Variants in SENP6 observed in about 807,000 individuals in gnomAD.
SENP6 encodes the protein SUMO specific peptidase 6, also known as sentrin-specific protease 6.
In SENP6, 41 loss-of-function variants were observed where a neutral mutation model predicts 134.5. That is an observed-to-expected ratio of 0.30 (90% CI 0.24 to 0.40). SENP6 has a LOEUF of 0.40. Among genes scored for constraint, SENP6 ranks in the 10% least tolerant of loss-of-function variants. The probability of loss-of-function intolerance (pLI) is 1.00; values close to 1 mark genes in which losing one functional copy is unlikely to be tolerated. For synonymous variants in SENP6, 395 were observed against 429.8 expected, an observed-to-expected ratio of 0.92 and a Z score of 1.00; for missense variants, 1,248 against 1,312.5, an observed-to-expected ratio of 0.95 and a Z score of 0.76.
At chr6:75,659,011 G>A (rs941422526) in intron 7 of SENP6, among the ~76,000 whole-genome samples, 4 of 146,550 alleles carry the variant, frequency 2.7e-5, no homozygotes, top group African/African-American at 1.0e-4. Context: ...GGGGAATTGT[G>A]AGTATGTGAG....
At position 75,695,911 on chromosome 6, in the gene SENP6, C is replaced by T; in HGVS notation, c.2183C>T (p.Thr728Ile). The part of the protein sequence containing the change: ...LNQRERRNHE[T>I]TNLSIQQKRH... The stretch of plus-strand genomic sequence containing the variant: ...CAGAGAGAGAGGAGAAATCATGAAA[C>T]AACTAATCTGTCGTAAGTCAAACTC... Residue 728 changes from threonine to isoleucine, a missense_variant, in exon 17 of 24, where the codon ACA becomes ATA. By Grantham distance (89) the Thr-to-Ile change is moderately conservative. Transcript: ENST00000447266. 1 of 1,599,358 alleles carries T rather than the reference C, an allele frequency of 6.3e-7. No individual in the cohort carries two copies. The highest frequency in any genetic ancestry group is 8.5e-7 in the Non-Finnish European group (1 of 1,174,818).
chr6:75,710,700 C>G (rs1775699392), intron 20 of SENP6, among the ~76,000 whole-genome samples: 1 of 152,090 alleles, frequency 6.6e-6, no homozygotes, highest in Admixed American at 6.6e-5. Flanking sequence ...TTTATTATTA[C>G]TATTATTCCT....
In SENP6 at chr6:75,666,810, C is replaced by A. The variant is rs147285994; in HGVS notation, c.1093C>A (p.Pro365Thr). Residue 365 changes from proline (P) to threonine (T), a missense_variant, in exon 10 of 24, where the codon CCA becomes ACA. Around this residue, in one of 3 missense-constraint regions of SENP6, gnomAD observed 733 missense variants for 725.4 expected, o/e 1.01. Transcript: ENST00000447266. ...PADSACSSPA[P>T]STGKVEAALN... The stretch of plus-strand genomic sequence containing the variant: ...TGATTCAGCATGTTCTTCCCCTGCA[C>A]CATCCACTGGAAAAGTAGAAGCAGC... 1 of 1,613,618 alleles carries A rather than the reference C, an allele frequency of 6.2e-7. No homozygotes were observed. Among genetic ancestry groups the A allele is most frequent in the Admixed American group, 1.7e-5 (1 of 59,998 alleles).
At chr6:75,714,586 T>C (rs1486807869) in intron 23 of SENP6, among the ~76,000 whole-genome samples, 2 of 152,230 alleles carry the variant, frequency 1.3e-5, no homozygotes, top group Admixed American at 1.3e-4. Flanking sequence ...TTAAATCTTA[T>C]AGTGGCTTCC....
intron 14 of SENP6, 65 bp from the exon 15 acceptor site, chr6:75,678,518 C>T (rs1773245087): frequency 1.3e-6 from 1 of 797,880 alleles, no homozygotes; most frequent in Non-Finnish European, 2.1e-6. Flanking sequence ...TTGCCTTGTG[C>T]TTACCCTTTT....
chr6:75,686,407 C>T (rs1259446554), intron 16 of SENP6, among the ~76,000 whole-genome samples: 1 of 152,030 alleles, frequency 6.6e-6, no homozygotes, highest in African/African-American at 2.4e-5. Flanking sequence ...TTAAAGTTAA[C>T]ATTGTTATGT....
intron 19 of SENP6, among the ~76,000 whole-genome samples, chr6:75,705,381 C>G (rs1775318868): frequency 6.6e-6 from 1 of 151,998 alleles, no homozygotes; most frequent in Admixed American, 6.6e-5. Context: ...CCCATCTCTA[C>G]TAAAAATACA....
chr6:75,643,600 T>TTGAG (rs1770195729), intron 6 of SENP6, among the ~76,000 whole-genome samples: 1 of 152,202 alleles, frequency 6.6e-6, no homozygotes, highest in Non-Finnish European at 1.5e-5. Context: ...CATGCGCCTG[T>TTGAG]AATCCCAGCT....
chr6:75,709,665 TTTATC>T, intron 20 of SENP6, 35 bp downstream of exon 20: 1 of 1,499,044 alleles, frequency 6.7e-7, no homozygotes. Context: ...GTTCTAATGT[TTTATC>T]TAATTAAAAG....
Position 75,636,095 on chromosome 6 carries a change from T to C in SENP6, c.458+1284T>C, listed in dbSNP as rs1769491691. On this transcript the variant is annotated intron_variant, in intron 5 of 23. Coordinates refer to ENST00000447266, the MANE Select transcript of SENP6 (RefSeq NM_015571.4). ...TCTGGAAATTGGGTTGCGATTTGTT[T>C]TACTCTAGGTCTCAACACCTATAAC... 2.0e-5 allele frequency among the ~76,000 whole-genome samples: 3 copies of C among 152,138 alleles called. No homozygotes were observed. In the South Asian group the frequency reaches 6.2e-4, roughly 31 times the overall value.
chr6:75,708,589 G>C (rs1254648681), intron 19 of SENP6, among the ~76,000 whole-genome samples: 1 of 152,024 alleles, frequency 6.6e-6, no homozygotes, highest in Admixed American at 6.6e-5. Flanking sequence ...GAGAAATCCT[G>C]TCTCTTAAAA....
intron 3 of SENP6, among the ~76,000 whole-genome samples, chr6:75,625,885 CAAAA>C (rs1007190602): frequency 5.9e-5 from 9 of 151,892 alleles, no homozygotes; most frequent in African/African-American, 2.2e-4. Context: ...AAAAACAAAA[CAAAA>C]AAACCCACTT....
chr6:75,708,363 C>A (rs866416740), intron 19 of SENP6, among the ~76,000 whole-genome samples: 2 of 151,862 alleles, frequency 1.3e-5, no homozygotes, highest in African/African-American at 4.8e-5. Context: ...TAACTTATAC[C>A]AAAATTTATT....
intron 1 of SENP6, among the ~76,000 whole-genome samples, chr6:75,618,377 T>C (rs34239015): frequency 0.31 from 47,591 of 152,054 alleles, 8,783 homozygotes; most frequent in Admixed American, 0.48. Flanking sequence ...ACTTTGGCCG[T>C]TGGGAATTCT....
intron 16 of SENP6, among the ~76,000 whole-genome samples, chr6:75,686,051 A>C (rs1347338815): frequency 3.3e-5 from 5 of 149,992 alleles, no homozygotes; most frequent in South Asian, 2.1e-4. Flanking sequence ...TAGGTCACTC[A>C]GAACTTGCTT....
chr6:75,665,598 A>G (rs1772139574), intron 9 of SENP6, among the ~76,000 whole-genome samples: 1 of 152,232 alleles, frequency 6.6e-6, no homozygotes, highest in Non-Finnish European at 1.5e-5. Context: ...TACAAGGTAT[A>G]AGAGCAAATT....
intron 7 of SENP6, among the ~76,000 whole-genome samples, chr6:75,651,509 T>G (rs1770863466): frequency 6.6e-6 from 1 of 152,048 alleles, no homozygotes; most frequent in South Asian, 2.1e-4. Flanking sequence ...TGCTGCCACA[T>G]CCAGCTAATT....
intron 18 of SENP6, among the ~76,000 whole-genome samples, chr6:75,698,832 G>A (rs1349966717): frequency 2.0e-5 from 3 of 151,686 alleles, no homozygotes; most frequent in South Asian, 4.2e-4. Context: ...CGAACATGGC[G>A]AAACCTCGTC....
chr6:75,602,772 G>T (rs1396500567), intron 1 of SENP6, among the ~76,000 whole-genome samples, 196 bp downstream of exon 1: 1 of 152,194 alleles, frequency 6.6e-6, no homozygotes, highest in African/African-American at 2.4e-5. Flanking sequence ...GCTCGGCTGC[G>T]AGCCGGTTCG....
Sources: gnomAD v4.1 joint callset for allele counts (sites outside exome capture counted in the v4.1 genomes callset) on GRCh38, gnomAD v4.1.1 for gene constraint, gnomAD v4.1.1 regional missense constraint, MANE v1.5 for transcripts, NCBI Gene and HGNC (gene_info 2026-07-23, HGNC 2026-07-21) for gene names.